STMN4: variants seen among roughly 807,000 people sequenced by gnomAD.
STMN4 encodes the protein stathmin 4, also known as stathmin-4.
A neutral mutation model predicts 29.1 loss-of-function variants in STMN4; 12 were observed. The ratio of observed to expected loss-of-function variants is 0.41; its 90% CI spans 0.26 to 0.67. The LOEUF is 0.67. Among genes scored for constraint, STMN4 ranks in the 30% least tolerant of loss-of-function variants. STMN4 has a pLI of 0.30. For missense variants in STMN4, 181 were observed against 262.8 expected, an observed-to-expected ratio of 0.69 and a Z score of 2.15; for synonymous variants, 114 against 105.3, an observed-to-expected ratio of 1.08 and a Z score of -0.51.
chr8:27,237,872 C>A (rs1801354321), intron 6 of STMN4, among the ~76,000 whole-genome samples: 1 of 152,206 alleles, frequency 6.6e-6, no homozygotes, highest in Admixed American at 6.5e-5. Context: ...TAGACGGTGA[C>A]TTTCCTGTGG....
At chr8:27,237,020 G>C (rs1172344613) in intron 6 of STMN4, 115 bp from the exon 7 acceptor site, 2 of 1,163,920 alleles carry the variant, frequency 1.7e-6, no homozygotes, top group Non-Finnish European at 2.4e-6. Flanking sequence ...GCAGCGAAGA[G>C]CTCTGTCTGC....
intron 1 of STMN4, among the ~76,000 whole-genome samples, chr8:27,248,075 G>C (rs904927346): frequency 1.3e-5 from 2 of 152,224 alleles, no homozygotes; most frequent in Non-Finnish European, 2.9e-5. Flanking sequence ...CAGGATGGCA[G>C]GCCCTCCAGC....
chr8:27,241,950 C>T (rs552378994), intron 3 of STMN4, among the ~76,000 whole-genome samples, 193 bp from the exon 4 acceptor site: 4 of 152,360 alleles, frequency 2.6e-5, no homozygotes, highest in Non-Finnish European at 5.9e-5. Flanking sequence ...CCCCACACAG[C>T]ATGGCTGCCA....
intron 1 of STMN4, among the ~76,000 whole-genome samples, chr8:27,254,253 C>G (rs953801998): frequency 6.6e-6 from 1 of 152,190 alleles, no homozygotes; most frequent in Non-Finnish European, 1.5e-5. Context: ...GTGAACTTTT[C>G]TCCCTCTAGT....
chr8:27,254,628 A>ATATG (rs1411672241), intron 1 of STMN4, among the ~76,000 whole-genome samples: 6 of 138,340 alleles, frequency 4.3e-5, no homozygotes, highest in African/African-American at 8.2e-5. Context: ...GAGCACTCAC[A>ATATG]TGTGTGTAGG....
intron 2 of STMN4, among the ~76,000 whole-genome samples, chr8:27,243,254 G>A (rs891299831): frequency 1.3e-5 from 2 of 151,998 alleles, no homozygotes; most frequent in African/African-American, 4.8e-5. Flanking sequence ...ACAATTTTTT[G>A]TTGAGATGAG....
At position 27,235,521 on chromosome 8, in the gene STMN4, C is replaced by T. The variant is rs1801291237; in HGVS notation, c.*1325G>A. 1.3e-5 allele frequency: 2 copies of T among 152,298 alleles called. No homozygotes were observed. The highest frequency in any genetic ancestry group is 2.9e-5 in the Non-Finnish European group (2 of 68,050). The allele number at this position is 152,298 out of a possible 1,614,324, so 9.4% of individuals were successfully genotyped here. ...CAAGACTGCTGGGTCTGGATGCCTC[C>T]TTTGCCTTCTACTAGCAAACACTTT... On this transcript the variant is annotated 3_prime_UTR_variant, in exon 7 of 7. Coordinates refer to ENST00000350889, the MANE Select transcript of STMN4 (RefSeq NM_030795.4).
chr8:27,242,299 A>C, intron 3 of STMN4, 98 bp downstream of exon 3: 1 of 1,185,524 alleles, frequency 8.4e-7, no homozygotes, highest in Non-Finnish European at 1.2e-6. Context: ...CTGTCTCGGG[A>C]GGAGAGATTC....
Position 27,240,064 on chromosome 8 carries a change from C to G in STMN4, c.498G>C (p.Lys166Asn), listed in dbSNP as rs1481299729. The G allele has an allele frequency of 1.2e-6, 2 of 1,614,222 alleles. No individual in the cohort carries two copies. The highest frequency in any genetic ancestry group is 1.7e-5 in the Admixed American group (1 of 60,018). The change falls in exon 6 of 7, where the codon AAG (lysine) becomes AAC (asparagine). Residue 166 changes from lysine to asparagine, a missense_variant. Physicochemically the swap from Lys to Asn is moderately conservative, Grantham distance 94. Transcript: ENST00000350889. ...TCTGGGCCAGTTTTTCCTTAGCCAT[C>G]TTGATGAAGTTGTTGTTTTCCTCAA... ...KAIEENNNFI[K>N]MAKEKLAQKM...
chr8:27,258,114 C>T (rs891537897), intron 1 of STMN4, among the ~76,000 whole-genome samples: 14 of 152,154 alleles, frequency 9.2e-5, no homozygotes, highest in African/African-American at 3.4e-4. Flanking sequence ...CCCATCCTGC[C>T]TCTCCTGAGC....
chr8:27,256,822 C>T (rs983952497), intron 1 of STMN4, among the ~76,000 whole-genome samples: 1 of 152,128 alleles, frequency 6.6e-6, no homozygotes, highest in Non-Finnish European at 1.5e-5. Flanking sequence ...ATGCAAAAAT[C>T]TCCTCTAAAG....
chr8:27,238,330 C>T (rs1490736885), intron 6 of STMN4, among the ~76,000 whole-genome samples: 2 of 152,198 alleles, frequency 1.3e-5, no homozygotes, highest in Admixed American at 6.5e-5. Context: ...GGGCAGAAAA[C>T]ATACACCCAA....
intron 6 of STMN4, among the ~76,000 whole-genome samples, chr8:27,237,910 TG>T: frequency 6.6e-6 from 1 of 152,356 alleles, no homozygotes; most frequent in South Asian, 2.1e-4. Context: ...TTTTCTACTA[TG>T]GTGCCTTACA....
intron 5 of STMN4, 38 bp from the exon 6 acceptor site, chr8:27,240,200 T>A: frequency 6.3e-7 from 1 of 1,597,280 alleles, no homozygotes; most frequent in East Asian, 2.2e-5. Context: ...CCCTTCACAG[T>A]GAGTGTGCCA....
chr8:27,243,710 C>T lies in STMN4; in HGVS notation c.13+1G>A, dbSNP rs1308695207. On this transcript the variant is annotated splice_donor_variant, in intron 2 of 6. Transcript: ENST00000350889. LOFTEE classifies it high-confidence loss of function. ...CCTTAACACATGGTTTTTGTACCTACCAGCAAGGGTCATGTTTCTGGGATC... is the reference window on the plus strand; with the variant it reads ...CCTTAACACATGGTTTTTGTACCTATCAGCAAGGGTCATGTTTCTGGGATC... The T allele has an allele frequency of 1.2e-6, 2 of 1,614,148 alleles. No individual in the cohort carries two copies. The highest frequency in any genetic ancestry group is 3.3e-5 in the Admixed American group (2 of 60,020).
In STMN4 at chr8:27,242,432, G is replaced by A; in HGVS notation, c.74C>T (p.Ala25Val). The A allele has an allele frequency of 8.7e-6, 14 of 1,614,168 alleles. No individual in the cohort carries two copies. Among genetic ancestry groups the A allele is most frequent in the Non-Finnish European group, 1.2e-5 (14 of 1,180,022 alleles). ...LVSLFCSCFL[A>V]DPLNKSSYKY... is the part of the protein sequence containing the mutation. ...GTAGGACGACTTATTCAGGGGATCGGCCAGGAAGCAGGAGCAGAACAAGGA... is the reference window on the plus strand; with the variant it reads ...GTAGGACGACTTATTCAGGGGATCGACCAGGAAGCAGGAGCAGAACAAGGA... Residue 25 changes from alanine (A) to valine (V), a missense_variant, in exon 3 of 7, where the codon GCC (alanine) becomes GTC (valine). Ala to Val is a moderately conservative substitution (Grantham distance 64). Coordinates refer to ENST00000350889, the MANE Select transcript of STMN4 (RefSeq NM_030795.4).
At position 27,236,451 on chromosome 8, in the gene STMN4, C is replaced by G. The variant is rs1227695899; in HGVS notation, c.*395G>C. On this transcript the variant is annotated 3_prime_UTR_variant, in exon 7 of 7. Coordinates refer to ENST00000350889, the MANE Select transcript of STMN4 (RefSeq NM_030795.4). ...CTGGTGCGCCCTGCAGCCGCTGCCC[C>G]ACCCAGGACTCTGTCCTTCACCCTG... 3.8e-5 allele frequency: 6 copies of G among 157,396 alleles called. No homozygotes were observed. In the Admixed American group the frequency reaches 3.9e-4, roughly 10 times the overall value. The allele number at this position is 157,396 out of a possible 1,614,324, so 9.7% of individuals were successfully genotyped here. A position where few individuals can be genotyped will look rare whatever the true frequency, so the allele number is the denominator to read the frequency against.
intron 3 of STMN4, chr8:27,242,054 T>A (rs1801490257): frequency 3.5e-6 from 2 of 564,050 alleles, no homozygotes; most frequent in Admixed American, 6.1e-5. Context: ...TCACATCGTC[T>A]CATCTTCTCT....
At chr8:27,256,088 T>G (rs1035966258) in intron 1 of STMN4, among the ~76,000 whole-genome samples, 21 of 152,170 alleles carry the variant, frequency 1.4e-4, no homozygotes, top group African/African-American at 4.8e-4. Flanking sequence ...GACATTACAC[T>G]CAGCGAAATA....
Sources: gnomAD v4.1 joint callset for allele counts (sites outside exome capture counted in the v4.1 genomes callset) on GRCh38, gnomAD v4.1.1 for gene constraint, MANE v1.5 for transcripts, NCBI Gene and HGNC (gene_info 2026-07-23, HGNC 2026-07-21) for gene names.